The following EEF1AKMT2 variants were observed in gnomAD, a reference collection of about 807,000 sequenced individuals.
EEF1AKMT2 encodes EEF1A lysine methyltransferase 2.
A neutral mutation model predicts 35.8 loss-of-function variants in EEF1AKMT2; 32 were observed. The ratio of observed to expected loss-of-function variants is 0.89; its 90% CI spans 0.67 to 1.20. The LOEUF is 1.20. Among genes scored for constraint, EEF1AKMT2 ranks in the 50% most tolerant of loss-of-function variants. The pLI is 0.00. For synonymous variants in EEF1AKMT2, 121 were observed against 133.7 expected (o/e 0.91, Z 0.65); for missense variants, 330 against 347.5 (o/e 0.95, Z 0.40).
In EEF1AKMT2 at chr10:124,760,836, G is replaced by A. The variant is rs1021173516; in HGVS notation, c.*-333C>T. ...TCTGTTAGCCTCTATCACCTGGTTT[G>A]TAGGAAGCAGCTAGCATGTGTCGAG... On this transcript the variant is annotated intron_variant, in intron 6 of 6. Transcript: ENST00000368836. Among the ~76,000 whole-genome samples, 9 of 152,180 alleles carry A rather than the reference G, an allele frequency of 5.9e-5. No homozygotes were observed. The East Asian group carries it at 1.5e-3, about 26-fold the overall frequency.
chr10:124,791,675 C>G (rs1950635923), intron 1 of EEF1AKMT2, 49 bp downstream of exon 1: 1 of 1,542,874 alleles, frequency 6.5e-7, no homozygotes, highest in African/African-American at 1.4e-5. Flanking sequence ...TTCTCGGGGC[C>G]CAGGCAGGGC....
chr10:124,768,277 A>G (rs1950397386), intron 4 of EEF1AKMT2, among the ~76,000 whole-genome samples: 1 of 152,172 alleles, frequency 6.6e-6, no homozygotes, highest in Admixed American at 6.6e-5. Flanking sequence ...TCAGTTCAGG[A>G]TTGTGAGCAA....
chr10:124,762,692 C>T (rs1002303313), intron 5 of EEF1AKMT2, 134 bp from the exon 6 acceptor site: 7 of 409,776 alleles, frequency 1.7e-5, no homozygotes, highest in Admixed American at 5.4e-5. Context: ...TCATAATAAC[C>T]GAATATTATA....
chr10:124,781,908 A>C (rs1391805214), intron 3 of EEF1AKMT2, among the ~76,000 whole-genome samples: 1 of 152,182 alleles, frequency 6.6e-6, no homozygotes, highest in African/African-American at 2.4e-5. Context: ...AATAGTAAAG[A>C]CAACTACAAC....
intron 1 of EEF1AKMT2, among the ~76,000 whole-genome samples, chr10:124,791,155 A>G (rs555051137): frequency 6.6e-6 from 1 of 151,690 alleles, no homozygotes; most frequent in South Asian, 2.1e-4. Flanking sequence ...CCTCTCCCCA[A>G]CTGTTCCCTG....
chr10:124,766,990 T>C (rs1490789234), intron 4 of EEF1AKMT2, among the ~76,000 whole-genome samples: 3 of 149,232 alleles, frequency 2.0e-5, no homozygotes, highest in Non-Finnish European at 4.4e-5. Context: ...TGAAATCCTG[T>C]CTCTACTAAA....
chr10:124,757,124 G>A (rs888937418), downstream of EEF1AKMT2, among the ~76,000 whole-genome samples: 6 of 150,466 alleles, frequency 4.0e-5, no homozygotes, highest in Non-Finnish European at 7.4e-5. Context: ...TCAGTGAAAT[G>A]TACGAGACAA....
At chr10:124,789,685 G>A (rs1311467771) in intron 2 of EEF1AKMT2, among the ~76,000 whole-genome samples, 1 of 150,918 alleles carries the variant, frequency 6.6e-6, no homozygotes, top group Admixed American at 6.6e-5. Context: ...GGCCCAGGAG[G>A]TCCAGGATGT....
At chr10:124,790,882 A>G (rs1457134011) in intron 1 of EEF1AKMT2, among the ~76,000 whole-genome samples, 1 of 152,136 alleles carries the variant, frequency 6.6e-6, no homozygotes, top group Admixed American at 6.5e-5. Context: ...CTCCTGCCTC[A>G]GCCTCCCGAG....
At chr10:124,787,947 C>T (rs1950601171) in intron 3 of EEF1AKMT2, among the ~76,000 whole-genome samples, 1 of 152,160 alleles carries the variant, frequency 6.6e-6, no homozygotes, top group South Asian at 2.1e-4. Context: ...TCAAGTTCTT[C>T]TAATCATATT....
chr10:124,760,507 T>C lies in EEF1AKMT2; in HGVS notation c.*-4A>G. 1 of 1,611,816 alleles carries C rather than the reference T, an allele frequency of 6.2e-7. No individual in the cohort carries two copies. The highest frequency in any genetic ancestry group is 1.3e-5 in the African/African-American group (1 of 75,002). On this transcript the variant is annotated splice_region_variant and splice_polypyrimidine_tract_variant and intron_variant, in intron 6 of 6. Transcript: ENST00000368836. ...AGCTCTTCGAGAAGTTCAAATCCTGTCAGACAAAATTTAAATACTTTTATT... is the reference window on the plus strand; with the variant it reads ...AGCTCTTCGAGAAGTTCAAATCCTGCCAGACAAAATTTAAATACTTTTATT...
At position 124,759,131 on chromosome 10, in the gene EEF1AKMT2, T is replaced by C. The variant is rs1277563027; in HGVS notation, c.*1372A>G. ...AAAGCTGAAAATCATCAAAAAATTA[T>C]GCAAAAATTTGTATTTAGCTCCAAT... On this transcript the variant is annotated 3_prime_UTR_variant, in exon 7 of 7. Coordinates refer to ENST00000368836, the MANE Select transcript of EEF1AKMT2 (RefSeq NM_212554.4). The C allele has an allele frequency of 2.6e-5, 4 of 152,190 alleles. No individual in the cohort carries two copies. Among genetic ancestry groups the C allele is most frequent in the Non-Finnish European group, 4.4e-5 (3 of 68,026 alleles). The allele number at this position is 152,190 out of a possible 1,614,324, so 9.4% of individuals were successfully genotyped here. A position where few individuals can be genotyped will look rare whatever the true frequency, so the allele number is the denominator to read the frequency against.
chr10:124,765,986 C>T (rs551480916), intron 4 of EEF1AKMT2, among the ~76,000 whole-genome samples: 1 of 152,120 alleles, frequency 6.6e-6, no homozygotes, highest in African/African-American at 2.4e-5. Flanking sequence ...TTATTTGGAA[C>T]TAAGTTCACT....
chr10:124,788,388 C>G (rs1950605385), intron 3 of EEF1AKMT2, among the ~76,000 whole-genome samples: 1 of 152,118 alleles, frequency 6.6e-6, no homozygotes, highest in Non-Finnish European at 1.5e-5. Flanking sequence ...GTAAACAATT[C>G]AAGCACAAAG....
chr10:124,782,330 C>T (rs192553754), intron 3 of EEF1AKMT2, among the ~76,000 whole-genome samples: 34 of 152,010 alleles, frequency 2.2e-4, no homozygotes, highest in Non-Finnish European at 4.6e-4. Flanking sequence ...CGCCTGTAAT[C>T]CCAGCACTTT....
chr10:124,789,065 T>C lies in EEF1AKMT2; in HGVS notation c.269A>G (p.Asn90Ser), dbSNP rs1320886773. 2 of 1,612,632 alleles carry C rather than the reference T, an allele frequency of 1.2e-6. No homozygotes were observed. Among genetic ancestry groups the C allele is most frequent in the Admixed American group, 1.7e-5 (1 of 59,848 alleles). ...DASVLDIGTG[N>S]GVFLVELAKF... Reference sequence around the variant, plus strand: ...AACAAGTTCAACCAGGAAAACACCATTTCCAGTTCCAATATCAAGCACTGA... The same window carrying C: ...AACAAGTTCAACCAGGAAAACACCACTTCCAGTTCCAATATCAAGCACTGA... The change falls in exon 3 of 7, where the codon AAT becomes AGT. Residue 90 changes from asparagine to serine, a missense_variant. By Grantham distance (46) the Asn-to-Ser change is conservative. Coordinates refer to ENST00000368836, the MANE Select transcript of EEF1AKMT2 (RefSeq NM_212554.4).
chr10:124,760,280 A>G lies in EEF1AKMT2; in HGVS notation c.*223T>C, dbSNP rs1432804233. On this transcript the variant is annotated 3_prime_UTR_variant, in exon 7 of 7. Transcript: ENST00000368836. ...TATTATTATTTTCTTTCACCAATCCAGTATACTCTATTCAACATGTGCATC... is the reference window on the plus strand; with the variant it reads ...TATTATTATTTTCTTTCACCAATCCGGTATACTCTATTCAACATGTGCATC... The G allele has an allele frequency of 2.9e-5, 16 of 553,624 alleles. No homozygotes were observed. The highest frequency in any genetic ancestry group is 5.4e-4 in the Middle Eastern group (2 of 3,704). The allele number at this position is 553,624 out of a possible 1,614,324, so 34.3% of individuals were successfully genotyped here.
At chr10:124,781,618 CAA>C (rs34232151) in intron 3 of EEF1AKMT2, among the ~76,000 whole-genome samples, 4 of 100,956 alleles carry the variant, frequency 4.0e-5, no homozygotes, top group African/African-American at 3.9e-5. Flanking sequence ...TATATTCAGC[CAA>C]AAAAAAAAAA....
chr10:124,773,234 G>A (rs995748088), intron 4 of EEF1AKMT2, among the ~76,000 whole-genome samples: 1 of 151,956 alleles, frequency 6.6e-6, no homozygotes, highest in African/African-American at 2.4e-5. Context: ...CAGTCTCCCC[G>A]TCACCCAGGC....
Sources: gnomAD v4.1 joint callset for allele counts (sites outside exome capture counted in the v4.1 genomes callset) on GRCh38, gnomAD v4.1.1 for gene constraint, MANE v1.5 for transcripts, NCBI Gene and HGNC (gene_info 2026-07-23, HGNC 2026-07-21) for gene names.